Variants in STARD7 observed in about 807,000 individuals in gnomAD.
The protein encoded by STARD7 is StAR related lipid transfer domain containing 7, also known as stAR-related lipid transfer protein 7, mitochondrial.
STARD7 carries 30 observed loss-of-function variants against 45.3 expected under a neutral mutation model. The observed-to-expected ratio is 0.66, with a 90% CI of 0.50 to 0.90. The LOEUF is 0.90. Among genes scored for constraint, STARD7 ranks in the 40% least tolerant of loss-of-function variants. The pLI, the probability that STARD7 is intolerant of heterozygous loss-of-function variation, is 0.00. For missense variants in STARD7, 495 were observed against 491.3 expected, an observed-to-expected ratio of 1.01 and a Z score of -0.07; for synonymous variants, 199 against 183.0, an observed-to-expected ratio of 1.09 and a Z score of -0.70.
intron 1 of STARD7, among the ~76,000 whole-genome samples, chr2:96,200,295 T>A (rs1346797072): frequency 6.6e-6 from 1 of 152,178 alleles, no homozygotes; most frequent in African/African-American, 2.4e-5. Flanking sequence ...CCCAGGCTGG[T>A]GTTGAACTCC....
intron 1 of STARD7, among the ~76,000 whole-genome samples, chr2:96,197,069 A>ACTAATAAC (rs1331360031): frequency 4.3e-5 from 4 of 94,110 alleles, no homozygotes; most frequent in South Asian, 3.2e-4. Context: ...TCCGTCTCAA[A>ACTAATAAC]ATAAAATAAA....
rs2104179506 is a variant in STARD7 at position 96,192,613 on chromosome 2, C to T, written c.744-145G>A. ...AAGGAGTCACTAAGATGAATAAATA[C>T]AAACTAAGTTCTAAAAATGAAGCGA... On this transcript the variant is annotated intron_variant, in intron 5 of 7. Transcript: ENST00000337288. 6.1e-6 allele frequency: 4 copies of T among 657,718 alleles called. No homozygotes were observed. In the East Asian group the frequency reaches 8.0e-5, roughly 13 times the overall value. 40.7% of individuals were successfully genotyped at this position (657,718 alleles called of 1,614,324 possible). A position where few individuals can be genotyped will look rare whatever the true frequency, so the allele number is the denominator to read the frequency against.
intron 1 of STARD7, among the ~76,000 whole-genome samples, 175 bp downstream of exon 1, chr2:96,207,970 T>C (rs887097825): frequency 1.3e-5 from 2 of 152,088 alleles, no homozygotes; most frequent in Non-Finnish European, 2.9e-5. Flanking sequence ...ACCCGACAAA[T>C]GCAAATTGAC....
intron 7 of STARD7, 92 bp downstream of exon 7, chr2:96,187,125 C>T: frequency 9.6e-7 from 1 of 1,037,446 alleles, no homozygotes; most frequent in Non-Finnish European, 1.4e-6. Context: ...AAAAGAAGAA[C>T]CAGAAGAGAC....
At chr2:96,203,033 A>C (rs1349716804) in intron 1 of STARD7, among the ~76,000 whole-genome samples, 2 of 152,264 alleles carry the variant, frequency 1.3e-5, no homozygotes, top group African/African-American at 2.4e-5. Flanking sequence ...AGTATGAATG[A>C]TAGAGCAAGA....
At chr2:96,191,325 A>C (rs536543193) in intron 6 of STARD7, among the ~76,000 whole-genome samples, 1 of 152,336 alleles carries the variant, frequency 6.6e-6, no homozygotes, top group African/African-American at 2.4e-5. Flanking sequence ...ATAAGTTGAT[A>C]ACTGGAGCTG....
At chr2:96,198,016 A>G (rs530478220) in intron 1 of STARD7, among the ~76,000 whole-genome samples, 2 of 152,194 alleles carry the variant, frequency 1.3e-5, no homozygotes, top group East Asian at 3.9e-4. Flanking sequence ...GCACTATATT[A>G]TATTACTGCT....
intron 1 of STARD7, among the ~76,000 whole-genome samples, chr2:96,206,037 A>G (rs1459313382): frequency 6.6e-6 from 1 of 152,192 alleles, no homozygotes; most frequent in Non-Finnish European, 1.5e-5. Flanking sequence ...AACTCAGAGC[A>G]GTCCCTCTTG....
intron 1 of STARD7, among the ~76,000 whole-genome samples, chr2:96,206,800 CAAAAAAAA>C (rs61417989): frequency 1.2e-4 from 6 of 49,488 alleles, no homozygotes; most frequent in Non-Finnish European, 8.0e-5. Flanking sequence ...GACTCCGTCT[CAAAAAAAA>C]AAAAAAAAAA....
At chr2:96,189,618 T>C (rs1340165609) in intron 6 of STARD7, among the ~76,000 whole-genome samples, 1 of 151,540 alleles carries the variant, frequency 6.6e-6, no homozygotes, top group African/African-American at 2.4e-5. Context: ...AGCAGGAGAA[T>C]TGCTTGAACC....
intron 1 of STARD7, among the ~76,000 whole-genome samples, chr2:96,203,325 A>G (rs1032706903): frequency 1.3e-5 from 2 of 152,272 alleles, no homozygotes; most frequent in Non-Finnish European, 2.9e-5. Context: ...CCAAAATAGT[A>G]AAATCAGCAG....
intron 1 of STARD7, among the ~76,000 whole-genome samples, chr2:96,199,087 A>G (rs1683268082): frequency 6.6e-6 from 1 of 152,222 alleles, no homozygotes; most frequent in South Asian, 2.1e-4. Context: ...GCTTTGTAAT[A>G]AGTTTTGAAA....
rs747767075 is a variant in STARD7 at position 96,186,687 on chromosome 2, G to A, written c.*43C>T. The A allele has an allele frequency of 6.7e-7, 1 of 1,502,874 alleles. No homozygotes were observed. Among genetic ancestry groups the A allele is most frequent in the Admixed American group, 2.0e-5 (1 of 50,222 alleles). The allele number at this position is 1,502,874 out of a possible 1,614,324, so 93.1% of individuals were successfully genotyped here. A position where few individuals can be genotyped will look rare whatever the true frequency, so the allele number is the denominator to read the frequency against. On this transcript the variant is annotated 3_prime_UTR_variant, in exon 8 of 8. Transcript: ENST00000337288. ...CTACAGCAGAGTGATAACGGACTGA[G>A]ACAGGGCTAGAAGCACCTTGTCCCT...
rs568470166 is a variant in STARD7 at position 96,208,626 on chromosome 2, G to A, written c.-192C>T. The A allele has an allele frequency of 6.6e-5, 32 of 486,016 alleles. No individual in the cohort carries two copies. The highest frequency in any genetic ancestry group is 8.7e-5 in the Admixed American group (2 of 22,982). The allele number at this position is 486,016 out of a possible 1,614,324, so 30.1% of individuals were successfully genotyped here. A position where few individuals can be genotyped will look rare whatever the true frequency, so the allele number is the denominator to read the frequency against. On this transcript the variant is annotated 5_prime_UTR_variant, in exon 1 of 8. Coordinates refer to ENST00000337288, the MANE Select transcript of STARD7 (RefSeq NM_020151.4). ...AGAGTCTCCTCTGAGGGGAGAGTCG[G>A]TCATGGCAGCAGACGCCGGGATGGC...
At chr2:96,203,992 G>A (rs973140265) in intron 1 of STARD7, among the ~76,000 whole-genome samples, 5 of 150,900 alleles carry the variant, frequency 3.3e-5, no homozygotes, top group African/African-American at 7.3e-5. Flanking sequence ...AGAGCCAGGC[G>A]CCTGGCTCTC....
intron 1 of STARD7, among the ~76,000 whole-genome samples, chr2:96,198,320 C>CA (rs199740020): frequency 0.08 from 9,063 of 113,258 alleles, 288 homozygotes; most frequent in Admixed American, 0.11. Flanking sequence ...AAAACTGTCT[C>CA]AAAAAAAAAA....
chr2:96,208,090 G>C (rs981820806), intron 1 of STARD7, 55 bp downstream of exon 1: 1 of 1,470,494 alleles, frequency 6.8e-7, no homozygotes, highest in African/African-American at 1.5e-5. Flanking sequence ...GCAGGCCCCA[G>C]GGTTCACAAG....
At chr2:96,193,390 C>T (rs1386222728) in intron 3 of STARD7, 38 bp from the exon 4 acceptor site, 8 of 1,375,748 alleles carry the variant, frequency 5.8e-6, no homozygotes, top group Admixed American at 1.7e-5. Flanking sequence ...CCCAAGAAGA[C>T]CCAAAACAAA....
Position 96,193,157 on chromosome 2 carries a change from G to C in STARD7, c.664C>G (p.Pro222Ala), listed in dbSNP as rs1436103253. 16 of 1,610,998 alleles carry C rather than the reference G, an allele frequency of 9.9e-6. No individual in the cohort carries two copies. Among genetic ancestry groups the C allele is most frequent in the Non-Finnish European group, 1.3e-5 (15 of 1,177,234 alleles). ...TAAACATAATCCCGTGAGTACATTG[G>C]ATACTAAAGAAATGGAGGAGCAGGA... ...VLHWVTHFPY[P>A]MYSRDYVYVR... The change falls in exon 5 of 8, where the codon CCA becomes GCA. Residue 222 changes from proline (P) to alanine (A), a missense_variant. By Grantham distance (27) the Pro-to-Ala change is conservative (BLOSUM62 -1). This residue lies in a region of STARD7 where 213 missense variants were observed against 271.2 expected (regional missense o/e 0.79). Transcript: ENST00000337288.
Sources: gnomAD v4.1 joint callset for allele counts (sites outside exome capture counted in the v4.1 genomes callset) on GRCh38, gnomAD v4.1.1 for gene constraint, gnomAD v4.1.1 regional missense constraint, MANE v1.5 for transcripts, NCBI Gene and HGNC (gene_info 2026-07-23, HGNC 2026-07-21) for gene names.